Variants in KCNU1 observed in about 807,000 individuals in gnomAD.
KCNU1 encodes potassium calcium-activated channel subfamily U member 1, also known as potassium channel subfamily U member 1.
Under a neutral mutation model 126.8 loss-of-function variants are expected in KCNU1, and 93 were observed. The ratio of observed to expected loss-of-function variants is 0.73; its 90% CI spans 0.62 to 0.87. The LOEUF (loss-of-function observed/expected upper bound fraction) is 0.87. Ranked by LOEUF, KCNU1 falls within the 40% of genes least tolerant of loss-of-function variation. The pLI, the probability that KCNU1 is intolerant of heterozygous loss-of-function variation, is 0.00. For missense variants in KCNU1, 1,330 were observed against 1,367.1 expected (o/e 0.97, Z 0.43); for synonymous variants, 523 against 494.2 (o/e 1.06, Z -0.77).
intron 23 of KCNU1, among the ~76,000 whole-genome samples, chr8:36,920,148 T>C (rs1292381128): frequency 1.3e-5 from 2 of 152,148 alleles, no homozygotes; most frequent in Admixed American, 1.3e-4. Flanking sequence ...TGTACACAGT[T>C]GGTTCTCTGT....
rs1563266017 is a variant in KCNU1 at position 36,806,255 on chromosome 8, T to C, written c.469-14T>C. ...GGGTAACAGAATTTGTGTTATTCTG[T>C]TTCTATTTCATAGTTTATGGCAGCT... On this transcript the variant is annotated splice_polypyrimidine_tract_variant and intron_variant, in intron 4 of 26. Coordinates refer to ENST00000399881, the MANE Select transcript of KCNU1 (RefSeq NM_001031836.3). 6.4e-7 allele frequency: 1 copy of C among 1,558,836 alleles called. No homozygotes were observed. The highest frequency in any genetic ancestry group is 8.8e-7 in the Non-Finnish European group (1 of 1,137,350).
rs190326810 is a variant in KCNU1, at chr8:36,856,073, A to C, written c.1892-8331A>C. On this transcript the variant is annotated intron_variant, in intron 18 of 26. Coordinates refer to ENST00000399881, the MANE Select transcript of KCNU1 (RefSeq NM_001031836.3). ...ACCCCTCTAGTGAATAATTAACATCAGTTAATGTACTTTTCAACTATAAAG... is the reference window on the plus strand; with the variant it reads ...ACCCCTCTAGTGAATAATTAACATCCGTTAATGTACTTTTCAACTATAAAG... Among the ~76,000 whole-genome samples the C allele has an allele frequency of 7.2e-3, 1,094 of 152,294 alleles. 46 individuals carry two copies. The highest frequency in any genetic ancestry group is 0.067 in the Admixed American group (1,023 of 15,288).
intron 18 of KCNU1, among the ~76,000 whole-genome samples, chr8:36,854,049 C>T (rs1381397940): frequency 1.3e-5 from 2 of 152,140 alleles, no homozygotes; most frequent in African/African-American, 4.8e-5. Context: ...CATCCTACTT[C>T]TTTCTGGCCT....
chr8:36,857,328 C>T (rs768828408), intron 18 of KCNU1, among the ~76,000 whole-genome samples: 3 of 152,162 alleles, frequency 2.0e-5, no homozygotes, highest in Non-Finnish European at 4.4e-5. Flanking sequence ...AGGCTACACT[C>T]ACCTGAAACT....
intron 10 of KCNU1, among the ~76,000 whole-genome samples, chr8:36,820,676 A>G (rs1804090396): frequency 1.3e-5 from 2 of 152,162 alleles, no homozygotes; most frequent in Admixed American, 1.3e-4. Flanking sequence ...CAGAAGGCCA[A>G]GAACAATCTC....
intron 19 of KCNU1, chr8:36,889,100 A>G: frequency 1.9e-6 from 1 of 530,758 alleles, no homozygotes; most frequent in South Asian, 1.4e-5. Flanking sequence ...GCTGATCTCG[A>G]ACTCCTGACC....
chr8:36,845,942 G>T, intron 18 of KCNU1, 43 bp downstream of exon 18: 2 of 1,157,862 alleles, frequency 1.7e-6, no homozygotes, highest in East Asian at 2.5e-5. Flanking sequence ...CCAGCCTCTA[G>T]GGAGCTGCCT....
At chr8:36,904,715 C>T (rs1439819826) in intron 19 of KCNU1, among the ~76,000 whole-genome samples, 2 of 152,116 alleles carry the variant, frequency 1.3e-5, no homozygotes, top group Admixed American at 6.5e-5. Flanking sequence ...GCTTGGTTCT[C>T]CAGTTCCTTT....
rs775366264 is a variant in KCNU1, at chr8:36,806,229, A to G, written c.469-40A>G. The G allele has an allele frequency of 6.0e-6, 8 of 1,323,906 alleles. No individual in the cohort carries two copies. The African/African-American group carries it at 1.2e-4, about 19-fold the overall frequency. The allele number at this position is 1,323,906 out of a possible 1,614,324, so 82.0% of individuals were successfully genotyped here. A position where few individuals can be genotyped will look rare whatever the true frequency, so the allele number is the denominator to read the frequency against. On this transcript the variant is annotated intron_variant, in intron 4 of 26. Coordinates refer to ENST00000399881, the MANE Select transcript of KCNU1 (RefSeq NM_001031836.3). ...ATCTAGTGTTCACTTAAAATTCTTG[A>G]GGGTAACAGAATTTGTGTTATTCTG...
chr8:36,895,783 T>A (rs1470465962), intron 19 of KCNU1, among the ~76,000 whole-genome samples: 1 of 152,142 alleles, frequency 6.6e-6, no homozygotes, highest in African/African-American at 2.4e-5. Flanking sequence ...TACTTAACAA[T>A]GCAACTGAGA....
intron 24 of KCNU1, among the ~76,000 whole-genome samples, chr8:36,923,884 G>GA (rs1160295009): frequency 6.6e-6 from 1 of 152,206 alleles, no homozygotes; most frequent in Non-Finnish European, 1.5e-5. Flanking sequence ...CATAAAGAAG[G>GA]TGCATAAGCT....
At chr8:36,887,166 C>G (rs1212986109) in intron 19 of KCNU1, among the ~76,000 whole-genome samples, 1 of 152,090 alleles carries the variant, frequency 6.6e-6, no homozygotes, top group East Asian at 1.9e-4. Context: ...AGATACCCAG[C>G]AGTGGGATTG....
intron 8 of KCNU1, 125 bp downstream of exon 8, chr8:36,814,502 G>A (rs576355614): frequency 5.7e-6 from 4 of 700,274 alleles, no homozygotes; most frequent in African/African-American, 3.6e-5. Context: ...ACATGTCAAG[G>A]GCAAATGAAA....
chr8:36,838,087 G>A (rs1804820159), intron 14 of KCNU1, among the ~76,000 whole-genome samples: 1 of 152,198 alleles, frequency 6.6e-6, no homozygotes, highest in Non-Finnish European at 1.5e-5. Context: ...TAATATACAG[G>A]TGAAAAGAAA....
Position 36,918,894 on chromosome 8 carries a change from C to T in KCNU1, c.2593C>T (p.Leu865=). 3 of 1,581,982 alleles carry T rather than the reference C, an allele frequency of 1.9e-6. No homozygotes were observed. Among genetic ancestry groups the T allele is most frequent in the Non-Finnish European group, 1.7e-6 (2 of 1,151,034 alleles). Residue 865 remains leucine (L), a synonymous_variant, in exon 23 of 27, where the codon CTG becomes TTG. Transcript: ENST00000399881. ...NCRKVPILTE[L]KNPSNIHFIE... is the part of the protein sequence containing the mutation. ...CCGAAAAGTCCCTATCCTTACTGAACTGAGTAAGTGGTGTTTCGAGGGGAA... is the reference window on the plus strand; with the variant it reads ...CCGAAAAGTCCCTATCCTTACTGAATTGAGTAAGTGGTGTTTCGAGGGGAA...
intron 18 of KCNU1, among the ~76,000 whole-genome samples, chr8:36,858,927 C>T (rs888394212): frequency 2.6e-5 from 4 of 152,112 alleles, no homozygotes; most frequent in African/African-American, 4.8e-5. Context: ...AGAATAATTT[C>T]TTTTTCCTAC....
At chr8:36,800,808 A>C (rs1437579659) in intron 2 of KCNU1, among the ~76,000 whole-genome samples, 1 of 152,274 alleles carries the variant, frequency 6.6e-6, no homozygotes, top group Non-Finnish European at 1.5e-5. Context: ...GACTGACAAC[A>C]GTATAGGTTT....
chr8:36,805,090 T>C (rs1021887055), intron 3 of KCNU1, 105 bp from the exon 4 acceptor site: 5 of 692,530 alleles, frequency 7.2e-6, no homozygotes, highest in South Asian at 3.8e-5. Flanking sequence ...TCTGGATTCA[T>C]GGTGAATAAA....
chr8:36,806,210 T>A lies in KCNU1; in HGVS notation c.469-59T>A, dbSNP rs1283587669. ...AATGCAGCTGAATAATGCTATCTAG[T>A]GTTCACTTAAAATTCTTGAGGGTAA... On this transcript the variant is annotated intron_variant, in intron 4 of 26. Coordinates refer to ENST00000399881, the MANE Select transcript of KCNU1 (RefSeq NM_001031836.3). 6.0e-6 allele frequency: 6 copies of A among 995,714 alleles called. No homozygotes were observed. In the East Asian group the frequency reaches 1.5e-4, roughly 25 times the overall value. The allele number at this position is 995,714 out of a possible 1,614,324, so 61.7% of individuals were successfully genotyped here.
Sources: allele counts gnomAD v4.1 joint callset (sites outside exome capture counted in the v4.1 genomes callset), GRCh38; gene constraint gnomAD v4.1.1; transcripts MANE v1.5; gene names NCBI Gene and HGNC (gene_info 2026-07-23, HGNC 2026-07-21).